Variants in TBC1D1 observed in about 807,000 individuals in gnomAD.
TBC1D1 encodes TBC1 domain family member 1, also known as TBC1 (tre-2/USP6, BUB2, cdc16) domain family, member 1.
Under a neutral mutation model 125.6 loss-of-function variants are expected in TBC1D1, and 89 were observed. The ratio of observed to expected loss-of-function variants is 0.71; its 90% CI spans 0.60 to 0.85. TBC1D1 has a LOEUF of 0.85. Among genes scored for constraint, TBC1D1 ranks in the 40% least tolerant of loss-of-function variants. TBC1D1 has a pLI of 0.00. For synonymous variants in TBC1D1, 565 were observed against 564.1 expected, an observed-to-expected ratio of 1.00 and a Z score of -0.02; for missense variants, 1,377 against 1,469.2, an observed-to-expected ratio of 0.94 and a Z score of 1.03.
At chr4:37,966,222 G>T (rs1376269754) in intron 2 of TBC1D1, among the ~76,000 whole-genome samples, 1 of 152,214 alleles carries the variant, frequency 6.6e-6, no homozygotes, top group East Asian at 1.9e-4. Flanking sequence ...CTAGCAGCAA[G>T]CACCTGGACA....
chr4:37,916,723 G>C (rs535587190), intron 2 of TBC1D1, among the ~76,000 whole-genome samples: 40 of 152,186 alleles, frequency 2.6e-4, no homozygotes, highest in African/African-American at 9.4e-4. Context: ...TTAACAACGG[G>C]AGGGCTGATG....
intron 16 of TBC1D1, 38 bp downstream of exon 18, chr4:38,115,992 G>A: frequency 6.2e-7 from 1 of 1,601,942 alleles, no homozygotes; most frequent in Non-Finnish European, 8.5e-7. Flanking sequence ...ACAACAAAAT[G>A]CTAAGAATGT....
intron 12 of TBC1D1, among the ~76,000 whole-genome samples, chr4:38,081,446 C>G (rs1025428795): frequency 6.6e-6 from 1 of 152,112 alleles, no homozygotes; most frequent in African/African-American, 2.4e-5. Flanking sequence ...ACGGTGACCC[C>G]GGGCCTCCTA....
At chr4:37,990,520 A>G (rs578207408) in intron 2 of TBC1D1, among the ~76,000 whole-genome samples, 1 of 152,164 alleles carries the variant, frequency 6.6e-6, no homozygotes, top group Non-Finnish European at 1.5e-5. Flanking sequence ...CTGATTATTA[A>G]TCAATTAATT....
intron 2 of TBC1D1, among the ~76,000 whole-genome samples, chr4:37,985,054 G>A (rs535296307): frequency 7.9e-4 from 120 of 152,004 alleles, no homozygotes; most frequent in African/African-American, 2.5e-3. Context: ...CCGGGTTCAA[G>A]CAATTCTCTT....
At chr4:37,905,195 T>C (rs978569411) in intron 2 of TBC1D1, among the ~76,000 whole-genome samples, 4 of 152,238 alleles carry the variant, frequency 2.6e-5, no homozygotes, top group African/African-American at 9.6e-5. Flanking sequence ...CCATAGAATA[T>C]GAGGAAACTT....
chr4:38,126,900 AT>A lies in TBC1D1; in HGVS notation c.3132+1772del, dbSNP rs1365017226. On this transcript the variant is annotated intron_variant, in intron 18 of 19. Transcript: ENST00000261439. The stretch of plus-strand genomic sequence containing the variant: ...GCCAAGAGCCTCTGGAGGTCATTTA[AT>A]TTAGAGTTTTTCCCTATTTTACCAG... Among the ~76,000 whole-genome samples, 3 of 152,202 alleles carry A rather than the reference AT, an allele frequency of 2.0e-5. No homozygotes were observed. The East Asian group carries it at 5.8e-4, about 29-fold the overall frequency.
intron 2 of TBC1D1, among the ~76,000 whole-genome samples, chr4:37,981,320 A>T (rs529496594): frequency 1.3e-5 from 2 of 152,336 alleles, no homozygotes; most frequent in African/African-American, 4.8e-5. Context: ...GTATTTGGGC[A>T]TTACTTTTAA....
At chr4:37,940,965 G>T (rs1725443344) in intron 2 of TBC1D1, among the ~76,000 whole-genome samples, 1 of 152,130 alleles carries the variant, frequency 6.6e-6, no homozygotes, top group South Asian at 2.1e-4. Context: ...TATTCATCAG[G>T]GATATTGGTT....
chr4:37,999,076 C>G (rs1738451768), intron 2 of TBC1D1, among the ~76,000 whole-genome samples: 2 of 151,372 alleles, frequency 1.3e-5, no homozygotes, highest in Non-Finnish European at 1.5e-5. Context: ...CGGTGAACCC[C>G]TGTTTCCACT....
intron 13 of TBC1D1, 98 bp downstream of exon 15, chr4:38,090,215 C>G: frequency 8.7e-7 from 1 of 1,153,478 alleles, no homozygotes; most frequent in South Asian, 1.3e-5. Context: ...AATACAGCAG[C>G]ACGATAGTCT....
intron 2 of TBC1D1, among the ~76,000 whole-genome samples, chr4:37,919,096 A>AC (rs893086769): frequency 5.3e-5 from 8 of 151,684 alleles, no homozygotes; most frequent in South Asian, 2.1e-4. Context: ...TAAAAAAAAA[A>AC]AAAAACTGGA....
chr4:38,128,237 G>A (rs554451197), intron 18 of TBC1D1, among the ~76,000 whole-genome samples: 33 of 152,064 alleles, frequency 2.2e-4, no homozygotes, highest in South Asian at 2.1e-3. Flanking sequence ...CTTATAGAAA[G>A]TAGATCTACC....
intron 3 of TBC1D1, among the ~76,000 whole-genome samples, chr4:38,016,166 A>G (rs539518942): frequency 6.6e-6 from 1 of 152,316 alleles, no homozygotes; most frequent in South Asian, 2.1e-4. Flanking sequence ...ATAATTATCT[A>G]ATTATAATTG....
intron 2 of TBC1D1, among the ~76,000 whole-genome samples, chr4:38,011,599 A>G (rs2152422851): frequency 6.6e-6 from 1 of 152,304 alleles, no homozygotes; most frequent in Admixed American, 6.5e-5. Flanking sequence ...GACCTCAATT[A>G]TCTCCTTTAT....
At chr4:37,986,856 A>G (rs1392474395) in intron 2 of TBC1D1, among the ~76,000 whole-genome samples, 8 of 152,148 alleles carry the variant, frequency 5.3e-5, no homozygotes, top group Admixed American at 5.2e-4. Context: ...GGATCCTTTG[A>G]TATGTGAAGG....
intron 11 of TBC1D1, among the ~76,000 whole-genome samples, chr4:38,052,726 G>GCACACACACACA (rs1246402585): frequency 5.5e-4 from 38 of 69,010 alleles, no homozygotes; most frequent in Admixed American, 1.5e-3. Context: ...GCGCGCGCGC[G>GCACACACACACA]CGCACACACA....
At chr4:38,071,734 C>A (rs1216310216) in intron 12 of TBC1D1, among the ~76,000 whole-genome samples, 1 of 152,162 alleles carries the variant, frequency 6.6e-6, no homozygotes, top group African/African-American at 2.4e-5. Flanking sequence ...GTGAAAAGTT[C>A]TTCTGTTTGC....
At chr4:38,044,247 C>A in intron 8 of TBC1D1, 115 bp from the exon 9 acceptor site, 1 of 1,181,670 alleles carries the variant, frequency 8.5e-7, no homozygotes, top group Non-Finnish European at 1.2e-6. Flanking sequence ...GGTGAGATCA[C>A]AGACAGGATC....
Sources: allele counts gnomAD v4.1 joint callset (sites outside exome capture counted in the v4.1 genomes callset), GRCh38; gene constraint gnomAD v4.1.1; transcripts MANE v1.5; gene names NCBI Gene and HGNC (gene_info 2026-07-23, HGNC 2026-07-21).